WDR33: variants seen among roughly 807,000 people sequenced by gnomAD.
WDR33 encodes WD repeat domain 33, also known as pre-mRNA 3' end processing protein WDR33.
WDR33 carries 47 observed loss-of-function variants against 164.9 expected under a neutral mutation model. That is an observed-to-expected ratio of 0.29 (90% confidence interval 0.23 to 0.36). The LOEUF (loss-of-function observed/expected upper bound fraction) is 0.36, where lower values mean the gene tolerates loss of function less well. Ranked by LOEUF, WDR33 falls within the 10% of genes least tolerant of loss-of-function variation. WDR33 has a pLI of 1.00. For missense variants in WDR33, 1,137 were observed against 1,754.1 expected (o/e 0.65, Z 6.28); for synonymous variants, 505 against 589.0 (o/e 0.86, Z 2.06).
At chr2:127,773,764 G>T (rs1395169366) in intron 1 of WDR33, among the ~76,000 whole-genome samples, 1 of 151,960 alleles carries the variant, frequency 6.6e-6, no homozygotes. Context: ...AGCAGTTCTG[G>T]TAAGCATTTT....
rs1277370867 is a variant in WDR33 at position 127,701,830 on chromosome 2, T to C, written c.*4493A>G. 6.9e-7 allele frequency: 1 copy of C among 1,458,534 alleles called. No individual in the cohort carries two copies. The highest frequency in any genetic ancestry group is 9.0e-7 in the Non-Finnish European group (1 of 1,109,694). The allele number at this position is 1,458,534 out of a possible 1,614,324, so 90.3% of individuals were successfully genotyped here. On this transcript the variant is annotated 3_prime_UTR_variant, in exon 22 of 22. Transcript: ENST00000322313. Reference sequence around the variant, plus strand: ...CTAGCCGCGCTCTACGCACCGGTGTTGCTGCTGCGCGCGCGCAAGTTCGCG... The same window carrying C: ...CTAGCCGCGCTCTACGCACCGGTGTCGCTGCTGCGCGCGCGCAAGTTCGCG...
chr2:127,760,370 G>A (rs1385877700), intron 7 of WDR33, among the ~76,000 whole-genome samples: 1 of 152,172 alleles, frequency 6.6e-6, no homozygotes. Flanking sequence ...CGTGTTACAT[G>A]AACATCATCC....
At position 127,706,844 on chromosome 2, in the gene WDR33, C is replaced by G. The variant is rs550450272; in HGVS notation, c.3782-292G>C. On this transcript the variant is annotated intron_variant, in intron 21 of 21. Coordinates refer to ENST00000322313, the MANE Select transcript of WDR33 (RefSeq NM_018383.5). This position sits in a 1 kb window ranked among gnomAD's most constrained non-coding sequence, Gnocchi z 5.1. ...AGCAAGGAGCACCTTCAGGGAGACC[C>G]GGGCCACACTGGGCCATGTCCCAGG... 6.6e-6 allele frequency among the ~76,000 whole-genome samples: 1 copy of G among 152,196 alleles called. No homozygotes were observed. Among genetic ancestry groups the G allele is most frequent in the African/African-American group, 2.4e-5 (1 of 41,446 alleles).
rs1024323537 is a variant in WDR33, at chr2:127,712,153, T to TG, written c.3308+1429dup. Among the ~76,000 whole-genome samples the TG allele has an allele frequency of 1.4e-4, 21 of 151,042 alleles. No homozygotes were observed. The highest frequency in any genetic ancestry group is 3.6e-4 in the African/African-American group (15 of 41,160). On this transcript the variant is annotated intron_variant, in intron 18 of 21. Transcript: ENST00000322313. The surrounding 1 kb of genome is among the most constrained non-coding windows in gnomAD (Gnocchi z 4.0). ...GCTCACGCCTATAATCCCTGCACTC[T>TG]GGGGGGGCTGAAGAACGTGGATCAC...
intron 7 of WDR33, among the ~76,000 whole-genome samples, chr2:127,729,191 G>A (rs1044644800): frequency 2.0e-5 from 3 of 152,198 alleles, no homozygotes; most frequent in South Asian, 2.1e-4. Flanking sequence ...TATTCTAAGC[G>A]AAGTATGTGT....
At chr2:127,768,707 C>A (rs1558945840) in intron 3 of WDR33, among the ~76,000 whole-genome samples, 1 of 151,968 alleles carries the variant, frequency 6.6e-6, no homozygotes, top group Non-Finnish European at 1.5e-5. Context: ...TGCTTTAAGC[C>A]CCAAATCAAA....
intron 7 of WDR33, among the ~76,000 whole-genome samples, chr2:127,740,168 C>T (rs531492452): frequency 6.6e-6 from 1 of 152,208 alleles, no homozygotes; most frequent in South Asian, 2.1e-4. Flanking sequence ...AAGATGATAC[C>T]AATCACTTCC....
At chr2:127,779,567 CA>C (rs1284332587) in intron 1 of WDR33, among the ~76,000 whole-genome samples, 2 of 152,220 alleles carry the variant, frequency 1.3e-5, no homozygotes, top group Non-Finnish European at 2.9e-5. Context: ...TGTATGCATA[CA>C]GGGTCACAAT....
intron 1 of WDR33, among the ~76,000 whole-genome samples, chr2:127,797,655 T>C (rs1689085891): frequency 6.6e-6 from 1 of 152,160 alleles, no homozygotes; most frequent in African/African-American, 2.4e-5. Flanking sequence ...GTTGTTTATC[T>C]TCAAATTAAA....
At chr2:127,736,922 T>G (rs893401752) in intron 7 of WDR33, 3 of 985,174 alleles carry the variant, frequency 3.0e-6, no homozygotes, top group Middle Eastern at 5.2e-4. Context: ...TTTAGAAAAA[T>G]CTTGAGAATT....
rs1573876329 is a variant in WDR33 at position 127,710,717 on chromosome 2, T to C, written c.3309-861A>G. Among the ~76,000 whole-genome samples, 2 of 152,154 alleles carry C rather than the reference T, an allele frequency of 1.3e-5. 1 individual carries two copies. Among genetic ancestry groups the C allele is most frequent in the South Asian group, 4.1e-4 (2 of 4,824 alleles). On this transcript the variant is annotated intron_variant, in intron 18 of 21. Transcript: ENST00000322313. The surrounding 1 kb of genome is among the most constrained non-coding windows in gnomAD (Gnocchi z 4.4). ...TCTGGCAGCGCTCACTGAGAGGCGGTGGCGCCACCCTGCAGGGCCCCTCTG... is the reference window on the plus strand; with the variant it reads ...TCTGGCAGCGCTCACTGAGAGGCGGCGGCGCCACCCTGCAGGGCCCCTCTG...
chr2:127,801,909 A>T (rs1401898267), intron 1 of WDR33, among the ~76,000 whole-genome samples: 1 of 151,886 alleles, frequency 6.6e-6, no homozygotes, highest in Non-Finnish European at 1.5e-5. Context: ...GGCCAGGCAC[A>T]GTGGCTCCTG....
intron 7 of WDR33, among the ~76,000 whole-genome samples, chr2:127,751,752 G>T (rs1418491716): frequency 3.3e-5 from 5 of 152,020 alleles, no homozygotes; most frequent in Admixed American, 6.6e-5. Flanking sequence ...TGTACTATAC[G>T]ACCTCAAGAA....
chr2:127,703,725 C>G lies in WDR33; in HGVS notation c.*2598G>C, dbSNP rs1448772001. The G allele has an allele frequency of 6.0e-6, 1 of 166,876 alleles. No individual in the cohort carries two copies. The highest frequency in any genetic ancestry group is 1.9e-4 in the East Asian group (1 of 5,200). 10.3% of individuals were successfully genotyped at this position (166,876 alleles called of 1,614,324 possible). ...GTGCCATTGGCTGCTCTTTCTAGTCCCCTAAATTTCTGTTCTAGTTTTAAA... is the reference window on the plus strand; with the variant it reads ...GTGCCATTGGCTGCTCTTTCTAGTCGCCTAAATTTCTGTTCTAGTTTTAAA... On this transcript the variant is annotated 3_prime_UTR_variant, in exon 22 of 22. Transcript: ENST00000322313.
intron 1 of WDR33, among the ~76,000 whole-genome samples, chr2:127,805,882 C>CTGGAATAGGTG (rs1689420486): frequency 1.3e-5 from 2 of 151,568 alleles, no homozygotes; most frequent in Non-Finnish European, 2.9e-5. Flanking sequence ...CTGTTGCCAC[C>CTGGAATAGGTG]TATAGCTGGA....
intron 1 of WDR33, among the ~76,000 whole-genome samples, chr2:127,794,544 C>T (rs968890823): frequency 2.7e-5 from 4 of 145,520 alleles, no homozygotes; most frequent in African/African-American, 1.0e-4. Context: ...AAAGACAAGA[C>T]GAAAGAGGTC....
intron 7 of WDR33, among the ~76,000 whole-genome samples, chr2:127,732,248 G>A (rs190166636): frequency 2.0e-5 from 3 of 151,958 alleles, no homozygotes; most frequent in Admixed American, 2.0e-4. Flanking sequence ...TTTTTAGGGA[G>A]ATGAAATGGT....
chr2:127,766,001 C>G (rs965772960), intron 4 of WDR33, among the ~76,000 whole-genome samples: 1 of 152,110 alleles, frequency 6.6e-6, no homozygotes, highest in African/African-American at 2.4e-5. Context: ...TTAAGTGCAC[C>G]TTTTCTCTTT....
intron 21 of WDR33, among the ~76,000 whole-genome samples, chr2:127,707,369 G>A (rs892312098): frequency 1.3e-5 from 2 of 152,064 alleles, no homozygotes; most frequent in African/African-American, 4.8e-5. Flanking sequence ...ACTCTCCGCT[G>A]TCTCATATTT....
Sources: allele counts gnomAD v4.1 joint callset (sites outside exome capture counted in the v4.1 genomes callset), GRCh38; gene constraint gnomAD v4.1.1; non-coding constraint Gnocchi (gnomAD v3.1); transcripts MANE v1.5; gene names NCBI Gene and HGNC (gene_info 2026-07-23, HGNC 2026-07-21).